DCAF8L2: variants seen among roughly 807,000 people sequenced by gnomAD.
The protein encoded by DCAF8L2 is DDB1- and CUL4-associated factor 8-like protein 2.
For synonymous variants in DCAF8L2, 200 were observed against 190.9 expected (o/e 1.05, Z -0.39); for missense variants, 430 against 490.7 (o/e 0.88, Z 1.17).
At chrX:27,528,089 AGACT>A in the DCAF8L2 span, among the ~76,000 whole-genome samples, 4 of 68,278 alleles carry the variant, frequency 5.9e-5, no homozygotes, top group South Asian at 5.5e-4. Flanking sequence ...ATTAATTATT[AGACT>A]AATTTTTAAT....
At chrX:27,528,839 G>A in the DCAF8L2 span, among the ~76,000 whole-genome samples, 1 of 111,161 alleles carries the variant, frequency 9.0e-6, no homozygotes, top group Non-Finnish European at 1.9e-5. Flanking sequence ...CAATGTATAT[G>A]CAAGAATTTG....
the DCAF8L2 span, among the ~76,000 whole-genome samples, chrX:27,514,674 A>AC: frequency 1.4e-5 from 1 of 70,178 alleles, no homozygotes; most frequent in African/African-American, 6.9e-5. Context: ...GTCTCAAAAA[A>AC]AAAAAAAAAA....
the DCAF8L2 span, among the ~76,000 whole-genome samples, chrX:27,524,296 G>C: frequency 8.9e-6 from 1 of 111,958 alleles, no homozygotes; most frequent in African/African-American, 3.2e-5. Context: ...ATTTCTTCTA[G>C]ATTTTCTAGT....
At chrX:27,572,916 A>T in the DCAF8L2 span, among the ~76,000 whole-genome samples, 3 of 111,606 alleles carry the variant, frequency 2.7e-5, no homozygotes, top group African/African-American at 9.8e-5. Context: ...TTTCTAATCA[A>T]TGAAAAAGAC....
At chrX:27,720,498 C>G (rs1309606293) in intron 4 of DCAF8L2, among the ~76,000 whole-genome samples, 1 of 110,649 alleles carries the variant, frequency 9.0e-6, no homozygotes, top group African/African-American at 3.3e-5. Context: ...CTCAGCCTCC[C>G]GAGTAGCTGG....
At chrX:27,671,798 T>G (rs757905691) in intron 2 of DCAF8L2, among the ~76,000 whole-genome samples, 1 of 111,954 alleles carries the variant, frequency 8.9e-6, no homozygotes, top group Non-Finnish European at 1.9e-5. Flanking sequence ...CACTTTCAAC[T>G]AAAATAATTC....
At chrX:27,557,416 A>G in the DCAF8L2 span, among the ~76,000 whole-genome samples, 3 of 112,085 alleles carry the variant, frequency 2.7e-5, no homozygotes, top group South Asian at 7.4e-4. Context: ...CTAGGAGACT[A>G]TCTCACCAAA....
chrX:27,494,346 C>T, the DCAF8L2 span, among the ~76,000 whole-genome samples: 3 of 111,017 alleles, frequency 2.7e-5, no homozygotes, highest in Non-Finnish European at 5.7e-5. Flanking sequence ...GCAGAGGTTG[C>T]GGTGAGCCGA....
chrX:27,484,894 G>T, the DCAF8L2 span, among the ~76,000 whole-genome samples: 1 of 111,401 alleles, frequency 9.0e-6, no homozygotes, highest in Non-Finnish European at 1.9e-5. Context: ...CATTGAAAAA[G>T]AATCCAACTG....
At chrX:27,699,992 A>T (rs757920826) in intron 3 of DCAF8L2, among the ~76,000 whole-genome samples, 119 of 111,502 alleles carry the variant, frequency 1.1e-3, no homozygotes, top group African/African-American at 3.3e-3. Flanking sequence ...CTATGATTGC[A>T]TCACTGCACT....
intron 3 of DCAF8L2, among the ~76,000 whole-genome samples, chrX:27,709,772 G>T (rs1931461288): frequency 9.0e-6 from 1 of 110,921 alleles, no homozygotes. Flanking sequence ...TCTGTGGACT[G>T]TTTCTGTGGC....
At chrX:27,529,263 G>C in the DCAF8L2 span, among the ~76,000 whole-genome samples, 62 of 111,398 alleles carry the variant, frequency 5.6e-4, no homozygotes, top group Non-Finnish European at 1.0e-3. Context: ...ACTCCAAAGA[G>C]TATGACTCTC....
the DCAF8L2 span, among the ~76,000 whole-genome samples, chrX:27,553,094 A>T: frequency 9.0e-6 from 1 of 111,592 alleles, no homozygotes; most frequent in Non-Finnish European, 1.9e-5. Context: ...AAAATGCTAC[A>T]GATTTTTGTA....
the DCAF8L2 span, chrX:27,518,236 G>A: frequency 2.3e-6 from 2 of 874,582 alleles, no homozygotes; most frequent in Admixed American, 2.2e-5. Flanking sequence ...TTATAATAAA[G>A]AGATTCATAA....
intron 3 of DCAF8L2, among the ~76,000 whole-genome samples, chrX:27,678,554 C>A (rs1930218173): frequency 8.9e-6 from 1 of 111,981 alleles, no homozygotes; most frequent in Non-Finnish European, 1.9e-5. Flanking sequence ...CATGAAAGAA[C>A]CTTAAAAACA....
chrX:27,567,854 G>C, the DCAF8L2 span, among the ~76,000 whole-genome samples: 1 of 109,271 alleles, frequency 9.2e-6, no homozygotes. Context: ...GATTAGTTAA[G>C]TATTAAAACA....
chrX:27,673,809 A>C (rs1413291446), intron 2 of DCAF8L2, among the ~76,000 whole-genome samples: 2 of 110,370 alleles, frequency 1.8e-5, no homozygotes, highest in South Asian at 3.8e-4. Flanking sequence ...CCTTCATAAA[A>C]TACAATAGTG....
the DCAF8L2 span, among the ~76,000 whole-genome samples, chrX:27,551,954 G>A: frequency 8.9e-6 from 1 of 111,908 alleles, no homozygotes; most frequent in Non-Finnish European, 1.9e-5. Context: ...CCTACCAATA[G>A]TGTTTAAGAG....
At chrX:27,716,502 A>G (rs746767075) in intron 4 of DCAF8L2, among the ~76,000 whole-genome samples, 3 of 111,812 alleles carry the variant, frequency 2.7e-5, no homozygotes, top group Non-Finnish European at 3.8e-5. Context: ...AAAGCAAACA[A>G]CCTTTTCTTT....
Sources: allele counts gnomAD v4.1 joint callset (sites outside exome capture counted in the v4.1 genomes callset), GRCh38; gene constraint gnomAD v4.1.1; transcripts MANE v1.5; gene names NCBI Gene and HGNC (gene_info 2026-07-23, HGNC 2026-07-21).